The following WNT2 variants were observed in gnomAD, a reference collection of about 807,000 sequenced individuals.
WNT2 encodes the protein Wnt family member 2.
A neutral mutation model predicts 36.9 loss-of-function variants in WNT2; 12 were observed. That is an observed-to-expected ratio of 0.33 (90% confidence interval 0.21 to 0.53). WNT2 has a LOEUF of 0.53. Among genes scored for constraint, WNT2 ranks in the 20% least tolerant of loss-of-function variants. The probability of loss-of-function intolerance (pLI) is 0.95; values close to 1 mark genes in which losing one functional copy is unlikely to be tolerated. For synonymous variants in WNT2, 163 were observed against 174.6 expected, an observed-to-expected ratio of 0.93 and a Z score of 0.52; for missense variants, 379 against 473.1, an observed-to-expected ratio of 0.80 and a Z score of 1.84.
intron 4 of WNT2, among the ~76,000 whole-genome samples, chr7:117,289,446 G>C (rs367893742): frequency 6.6e-6 from 1 of 152,212 alleles, no homozygotes; most frequent in South Asian, 2.1e-4. Flanking sequence ...TGAATATGAG[G>C]AAAAATTCCA....
chr7:117,303,009 G>C (rs1248433662), intron 3 of WNT2, among the ~76,000 whole-genome samples: 2 of 152,186 alleles, frequency 1.3e-5, no homozygotes, highest in Non-Finnish European at 2.9e-5. Context: ...GAGAGGGCAG[G>C]TCAGTAGGTG....
rs775269288 is a variant in WNT2, at chr7:117,287,880, C to T, written c.854-9496G>A. Among the ~76,000 whole-genome samples, 77 of 151,938 alleles carry T rather than the reference C, an allele frequency of 5.1e-4. 1 individual carries two copies. The highest frequency in any genetic ancestry group is 8.4e-4 in the Non-Finnish European group (57 of 68,000). ...GTGGACACCTGTAATCCCAGCTACTCGGGAGGCTGAGGCAGGAGAATCGTT... is the reference window on the plus strand; with the variant it reads ...GTGGACACCTGTAATCCCAGCTACTTGGGAGGCTGAGGCAGGAGAATCGTT... On this transcript the variant is annotated intron_variant, in intron 4 of 4. Transcript: ENST00000265441.
intron 4 of WNT2, among the ~76,000 whole-genome samples, chr7:117,279,681 G>A (rs896702324): frequency 1.2e-4 from 19 of 152,098 alleles, no homozygotes; most frequent in Admixed American, 7.2e-4. Context: ...GACTGCATTC[G>A]AACGTTTGAG....
intron 4 of WNT2, among the ~76,000 whole-genome samples, chr7:117,289,210 A>G: frequency 6.6e-6 from 1 of 151,750 alleles, no homozygotes; most frequent in East Asian, 1.9e-4. Flanking sequence ...GGCGCCCACC[A>G]CAACGCCCGG....
At chr7:117,283,836 C>T (rs981583287) in intron 4 of WNT2, among the ~76,000 whole-genome samples, 7 of 152,204 alleles carry the variant, frequency 4.6e-5, no homozygotes, top group Admixed American at 3.3e-4. Flanking sequence ...CACTCTCCAC[C>T]GGCTGCCCAA....
intron 2 of WNT2, 147 bp downstream of exon 2, chr7:117,320,420 C>T (rs1708063799): frequency 1.3e-6 from 1 of 770,948 alleles, no homozygotes; most frequent in Admixed American, 2.2e-5. Context: ...CTAGTCCTCA[C>T]CTGTAGAACA....
chr7:117,321,016 G>T (rs1235218799), intron 1 of WNT2, among the ~76,000 whole-genome samples: 1 of 152,212 alleles, frequency 6.6e-6, no homozygotes, highest in Non-Finnish European at 1.5e-5. Context: ...CCAAAATGCT[G>T]TGATGACTGT....
At chr7:117,292,358 G>C (rs559630026) in intron 4 of WNT2, among the ~76,000 whole-genome samples, 10 of 152,086 alleles carry the variant, frequency 6.6e-5, no homozygotes, top group African/African-American at 2.4e-4. Context: ...ATGGGTTTTT[G>C]TTTTTATTTT....
In WNT2 at chr7:117,292,270, A is replaced by G. The variant is rs76843724; in HGVS notation, c.853+5342T>C. On this transcript the variant is annotated intron_variant, in intron 4 of 4. Transcript: ENST00000265441. Reference sequence around the variant, plus strand: ...TGTCCTCATGCTGCCTCTTCATCACACAGGACCTACTCCCAACCACACTCA... The same window carrying G: ...TGTCCTCATGCTGCCTCTTCATCACGCAGGACCTACTCCCAACCACACTCA... Among the ~76,000 whole-genome samples the G allele has an allele frequency of 3.7e-3, 563 of 151,888 alleles. 4 individuals carry two copies. Among genetic ancestry groups the G allele is most frequent in the African/African-American group, 0.013 (519 of 41,278 alleles).
At chr7:117,278,501 A>G (rs1794422823) in intron 4 of WNT2, 117 bp from the exon 5 acceptor site, 1 of 995,798 alleles carries the variant, frequency 1.0e-6, no homozygotes, top group South Asian at 1.6e-5. Flanking sequence ...CTCTTCCTAC[A>G]GCCTGGGGCT....
At chr7:117,305,276 C>CTTT (rs1794993976) in intron 3 of WNT2, among the ~76,000 whole-genome samples, 1 of 152,150 alleles carries the variant, frequency 6.6e-6, no homozygotes, top group Non-Finnish European at 1.5e-5. Flanking sequence ...AAACATTTAT[C>CTTT]TTTTGGGCTT....
At chr7:117,297,977 C>T in intron 3 of WNT2, 101 bp from the exon 4 acceptor site, 1 of 1,445,274 alleles carries the variant, frequency 6.9e-7, no homozygotes, top group Non-Finnish European at 9.3e-7. Context: ...TCTCAGGATG[C>T]TGGATCCTGG....
chr7:117,286,744 G>A (rs1340234409), intron 4 of WNT2, among the ~76,000 whole-genome samples: 2 of 119,742 alleles, frequency 1.7e-5, no homozygotes, highest in African/African-American at 5.9e-5. Flanking sequence ...CCTCACATTT[G>A]GACTGCACAG....
At chr7:117,297,068 G>A (rs1337000244) in intron 4 of WNT2, among the ~76,000 whole-genome samples, 4 of 152,116 alleles carry the variant, frequency 2.6e-5, no homozygotes, top group Non-Finnish European at 5.9e-5. Flanking sequence ...GCTCTCCCTA[G>A]TGTGCATAGT....
intron 3 of WNT2, among the ~76,000 whole-genome samples, chr7:117,313,273 C>T (rs1257483448): frequency 6.6e-6 from 1 of 152,238 alleles, no homozygotes; most frequent in African/African-American, 2.4e-5. Context: ...TTCATATTCA[C>T]TGACATCATG....
chr7:117,290,392 T>C (rs937144816), intron 4 of WNT2, among the ~76,000 whole-genome samples: 11 of 152,210 alleles, frequency 7.2e-5, no homozygotes, highest in Admixed American at 1.3e-4. Context: ...CTAATTATAC[T>C]ATATGCCACT....
At chr7:117,294,823 G>A (rs1034678149) in intron 4 of WNT2, among the ~76,000 whole-genome samples, 7 of 152,314 alleles carry the variant, frequency 4.6e-5, no homozygotes, top group African/African-American at 1.7e-4. Flanking sequence ...AGGTGCAGTG[G>A]CTCACGCCTG....
At chr7:117,298,012 G>T in intron 3 of WNT2, 136 bp from the exon 4 acceptor site, 1 of 1,252,884 alleles carries the variant, frequency 8.0e-7, no homozygotes, top group Non-Finnish European at 1.1e-6. Flanking sequence ...AAATGTTGAA[G>T]CATTGCTTGT....
chr7:117,309,728 A>G (rs1281415865), intron 3 of WNT2, among the ~76,000 whole-genome samples: 1 of 152,160 alleles, frequency 6.6e-6, no homozygotes, highest in Admixed American at 6.5e-5. Flanking sequence ...ATCCTCCATA[A>G]TGCCTCAGTC....
Sources: allele counts gnomAD v4.1 joint callset (sites outside exome capture counted in the v4.1 genomes callset), GRCh38; gene constraint gnomAD v4.1.1; transcripts MANE v1.5; gene names NCBI Gene and HGNC (gene_info 2026-07-23, HGNC 2026-07-21).